The following WDR64 variants were observed in gnomAD, a reference collection of about 807,000 sequenced individuals.
WDR64 encodes the protein WD repeat domain 64.
A neutral mutation model predicts 139.3 loss-of-function variants in WDR64; 112 were observed. That is an observed-to-expected ratio of 0.80 (90% CI 0.69 to 0.94). WDR64 has a LOEUF of 0.94. Ranked by LOEUF, WDR64 falls within the 40% of genes least tolerant of loss-of-function variation. WDR64 has a pLI of 0.00. For synonymous variants in WDR64, 444 were observed against 437.7 expected, an observed-to-expected ratio of 1.01 and a Z score of -0.18; for missense variants, 1,206 against 1,293.1, an observed-to-expected ratio of 0.93 and a Z score of 1.03.
At chr1:241,764,550 A>G (rs1658067339) in intron 15 of WDR64, among the ~76,000 whole-genome samples, 1 of 151,956 alleles carries the variant, frequency 6.6e-6, no homozygotes, top group Non-Finnish European at 1.5e-5. Context: ...CAGTCAAGCT[A>G]TTTGGGAGGC....
At chr1:241,746,446 T>C (rs1262467517) in intron 13 of WDR64, among the ~76,000 whole-genome samples, 1 of 151,860 alleles carries the variant, frequency 6.6e-6, no homozygotes, top group Non-Finnish European at 1.5e-5. Context: ...CCAAAGCAAA[T>C]GAATGAAGTT....
chr1:241,737,274 A>G (rs1256284143), intron 10 of WDR64, among the ~76,000 whole-genome samples: 6 of 152,228 alleles, frequency 3.9e-5, no homozygotes, highest in Admixed American at 2.0e-4. Context: ...CTCCTCACCA[A>G]TGTTCTCCAA....
At chr1:241,749,003 T>C (rs916334564) in intron 13 of WDR64, among the ~76,000 whole-genome samples, 2 of 151,906 alleles carry the variant, frequency 1.3e-5, no homozygotes, top group Non-Finnish European at 2.9e-5. Flanking sequence ...ACTCGACACT[T>C]TTCTTTCACT....
chr1:241,658,384 C>T (rs574708482), intron 1 of WDR64, among the ~76,000 whole-genome samples: 1 of 151,882 alleles, frequency 6.6e-6, no homozygotes, highest in African/African-American at 2.4e-5. Context: ...CATCTGTAAT[C>T]CCAGCACTTT....
intron 10 of WDR64, among the ~76,000 whole-genome samples, chr1:241,728,837 A>G (rs1050979178): frequency 4.0e-5 from 5 of 123,780 alleles, no homozygotes; most frequent in South Asian, 2.4e-4. Context: ...TTTTTTTTCT[A>G]TGAAGGGGAG....
At chr1:241,655,401 A>C (rs966985138) in intron 1 of WDR64, among the ~76,000 whole-genome samples, 24 of 151,972 alleles carry the variant, frequency 1.6e-4, no homozygotes, top group South Asian at 4.1e-4. Context: ...CTCACCCCCC[A>C]AAAAATAGTC....
intron 2 of WDR64, among the ~76,000 whole-genome samples, chr1:241,670,262 C>CA (rs1281349176): frequency 6.6e-6 from 1 of 151,872 alleles, no homozygotes; most frequent in Non-Finnish European, 1.5e-5. Flanking sequence ...TATTCTCACG[C>CA]AATGCCTACA....
rs569026902 is a variant in WDR64 at position 241,786,754 on chromosome 1, T to G, written c.2706-1095T>G. Among the ~76,000 whole-genome samples, 12 of 152,266 alleles carry G rather than the reference T, an allele frequency of 7.9e-5. No individual in the cohort carries two copies. The South Asian group carries it at 1.2e-3, about 16-fold the overall frequency. On this transcript the variant is annotated intron_variant, in intron 23 of 27. Transcript: ENST00000437684. ...AAGGCCTAATTCAATGAATACACTGTTAGTTAACAAGTGTTCTGATTAGCT... is the reference window on the plus strand; with the variant it reads ...AAGGCCTAATTCAATGAATACACTGGTAGTTAACAAGTGTTCTGATTAGCT...
At chr1:241,781,456 A>G (rs1379803507) in intron 22 of WDR64, among the ~76,000 whole-genome samples, 1 of 152,200 alleles carries the variant, frequency 6.6e-6, no homozygotes, top group African/African-American at 2.4e-5. Flanking sequence ...ATCAACAAAT[A>G]CCAATGCTTA....
chr1:241,667,153 G>A (rs188211776), intron 2 of WDR64, among the ~76,000 whole-genome samples: 2 of 152,312 alleles, frequency 1.3e-5, no homozygotes, highest in Admixed American at 6.5e-5. Context: ...GTATGGTGTG[G>A]AGTTCTCCCA....
intron 1 of WDR64, among the ~76,000 whole-genome samples, chr1:241,653,360 T>C (rs1325583607): frequency 1.3e-5 from 2 of 152,188 alleles, no homozygotes; most frequent in Non-Finnish European, 2.9e-5. Context: ...CCAGGCTGCA[T>C]AGTAATTTGT....
chr1:241,769,452 G>A lies in WDR64; in HGVS notation c.2130G>A (p.Lys710=), dbSNP rs1420646072. Residue 710 remains lysine (K), a synonymous_variant, in exon 17 of 28, where the codon AAG becomes AAA. Coordinates refer to ENST00000437684, the MANE Select transcript of WDR64 (RefSeq NM_001367482.1). ...CFTVNPDLHP[K]HFKINDILFL... is the part of the protein sequence containing the mutation. The stretch of plus-strand genomic sequence containing the variant: ...CTGTAAACCCTGACTTGCATCCCAA[G>A]CACTTTAAAATTAATGACATACTGT... 1.8e-5 allele frequency: 28 copies of A among 1,551,446 alleles called. No homozygotes were observed. The highest frequency in any genetic ancestry group is 2.4e-5 in the Non-Finnish European group (28 of 1,146,976).
chr1:241,771,262 CAA>C (rs1260680115), intron 18 of WDR64, among the ~76,000 whole-genome samples: 1 of 152,152 alleles, frequency 6.6e-6, no homozygotes, highest in Non-Finnish European at 1.5e-5. Flanking sequence ...TACTTGAACC[CAA>C]GTCCTTCTTT....
chr1:241,787,614 GA>G (rs1659084994), intron 23 of WDR64, among the ~76,000 whole-genome samples: 1 of 147,694 alleles, frequency 6.8e-6, no homozygotes, highest in Admixed American at 6.9e-5. Context: ...GCAGTGAGTC[GA>G]GATCATGCCA....
chr1:241,796,260 T>C lies in WDR64; in HGVS notation c.3082T>C (p.Ser1028Pro). 1.2e-6 allele frequency: 2 copies of C among 1,610,346 alleles called. No individual in the cohort carries two copies. The highest frequency in any genetic ancestry group is 2.2e-5 in the East Asian group (1 of 44,800). ...CTGACTAATTTATGGCTTCCAGATA[T>C]CAAGCCCCACTAGTCTAAGATTTCT... ...VFGSLPIYSI[S>P]SPTSLRFLPL... is the part of the protein sequence containing the mutation. Residue 1028 changes from serine (S) to proline (P), a missense_variant, in exon 27 of 28, where the codon TCA (serine) becomes CCA (proline). Ser to Pro is a moderately conservative substitution (Grantham distance 74). Coordinates refer to ENST00000437684, the MANE Select transcript of WDR64 (RefSeq NM_001367482.1).
At chr1:241,783,213 A>G (rs543930411) in intron 22 of WDR64, 59 bp from the exon 23 acceptor site, 4 of 1,424,784 alleles carry the variant, frequency 2.8e-6, no homozygotes, top group East Asian at 2.3e-5. Flanking sequence ...TTTGTTGAAG[A>G]TTACATTTTT....
intron 9 of WDR64, among the ~76,000 whole-genome samples, chr1:241,720,391 A>T (rs1485854428): frequency 6.6e-6 from 1 of 152,144 alleles, no homozygotes; most frequent in Admixed American, 6.5e-5. Flanking sequence ...TGCCTTCCAC[A>T]GTGGTTGAAC....
At chr1:241,770,274 TAGAC>T in intron 17 of WDR64, among the ~76,000 whole-genome samples, 1 of 152,312 alleles carries the variant, frequency 6.6e-6, no homozygotes, top group Middle Eastern at 3.4e-3. Context: ...AGCAGGAAGT[TAGAC>T]AGGCTTGTAA....
In WDR64 at chr1:241,732,084, G is replaced by A. The variant is rs183973997; in HGVS notation, c.1195-6279G>A. On this transcript the variant is annotated intron_variant, in intron 10 of 27. Transcript: ENST00000437684. ...TGAGTGACCCTGATTTGATTTATTTGGGGACTAAAAATCTCATTAGCCTCT... is the reference window on the plus strand; with the variant it reads ...TGAGTGACCCTGATTTGATTTATTTAGGGACTAAAAATCTCATTAGCCTCT... 2.0e-5 allele frequency among the ~76,000 whole-genome samples: 3 copies of A among 152,094 alleles called. No individual in the cohort carries two copies. In the East Asian group the frequency reaches 5.8e-4, roughly 29 times the overall value.
Sources: gnomAD v4.1 joint callset for allele counts (sites outside exome capture counted in the v4.1 genomes callset) on GRCh38, gnomAD v4.1.1 for gene constraint, MANE v1.5 for transcripts, NCBI Gene and HGNC (gene_info 2026-07-23, HGNC 2026-07-21) for gene names.